LSAMP: variants seen among roughly 807,000 people sequenced by gnomAD.
LSAMP encodes the protein limbic system associated membrane protein.
A neutral mutation model predicts 38.6 loss-of-function variants in LSAMP; 7 were observed. That is an observed-to-expected ratio of 0.18 (90% CI 0.10 to 0.34). The LOEUF is 0.34. Ranked by LOEUF, LSAMP falls within the 10% of genes least tolerant of loss-of-function variation. The pLI, the probability that LSAMP is intolerant of heterozygous loss-of-function variation, is 1.00. For missense variants in LSAMP, 313 were observed against 420.0 expected (o/e 0.75, Z 2.23); for synonymous variants, 154 against 166.8 (o/e 0.92, Z 0.59).
At chr3:116,041,796 C>CA (rs148805855) in intron 2 of LSAMP, among the ~76,000 whole-genome samples, 3,615 of 56,898 alleles carry the variant, frequency 0.064, 142 homozygotes, top group African/African-American at 0.12. Context: ...TGAAAGCATG[C>CA]AAAAAAAAAC....
At chr3:116,241,361 G>A (rs1270760576) in intron 1 of LSAMP, among the ~76,000 whole-genome samples, 1 of 152,054 alleles carries the variant, frequency 6.6e-6, no homozygotes, top group African/African-American at 2.4e-5. Context: ...GAGGTCAGGA[G>A]TTTGAGACCA....
At chr3:116,192,215 G>A (rs1008001575) in intron 1 of LSAMP, among the ~76,000 whole-genome samples, 1 of 152,186 alleles carries the variant, frequency 6.6e-6, no homozygotes. Flanking sequence ...GCTTAGACAA[G>A]GGCTTTCTGA....
chr3:116,341,059 C>T (rs2047988163), intron 1 of LSAMP, among the ~76,000 whole-genome samples: 2 of 151,958 alleles, frequency 1.3e-5, no homozygotes, highest in South Asian at 4.1e-4. Context: ...AGATGGCTTC[C>T]ATATAGCTAA....
At chr3:116,353,443 A>G (rs544375042) in intron 1 of LSAMP, among the ~76,000 whole-genome samples, 4 of 152,116 alleles carry the variant, frequency 2.6e-5, no homozygotes, top group Admixed American at 6.6e-5. Context: ...ATTACTTCGT[A>G]TGCAAAAGTT....
intron 1 of LSAMP, among the ~76,000 whole-genome samples, chr3:116,407,807 G>T (rs1280513982): frequency 2.0e-5 from 3 of 151,934 alleles, no homozygotes; most frequent in African/African-American, 4.8e-5. Flanking sequence ...GGCCACTGAC[G>T]GTATTTATTC....
chr3:116,035,950 A>G lies in LSAMP; in HGVS notation c.389-16310T>C, dbSNP rs11920367. On this transcript the variant is annotated intron_variant, in intron 2 of 6. Transcript: ENST00000490035. Reference sequence around the variant, plus strand: ...GGGAAATGTGAGGTAAGCAATATGGAGGCCTAGCCCTTAAATAAAAGCCCC... The same window carrying G: ...GGGAAATGTGAGGTAAGCAATATGGGGGCCTAGCCCTTAAATAAAAGCCCC... 7.9e-3 allele frequency among the ~76,000 whole-genome samples: 1,199 copies of G among 152,278 alleles called. 15 individuals are homozygous for G. The highest frequency in any genetic ancestry group is 0.027 in the African/African-American group (1,142 of 41,558).
intron 3 of LSAMP, among the ~76,000 whole-genome samples, chr3:115,960,427 G>T (rs1432504134): frequency 6.6e-6 from 1 of 152,170 alleles, no homozygotes; most frequent in Admixed American, 6.5e-5. Context: ...TCAGAGAACA[G>T]GCTTTTCTCT....
chr3:116,053,801 C>T (rs760740461), intron 2 of LSAMP, among the ~76,000 whole-genome samples: 5 of 152,138 alleles, frequency 3.3e-5, no homozygotes, highest in Non-Finnish European at 7.4e-5. Flanking sequence ...GAGTAATAGT[C>T]AGTGCTGTGT....
At chr3:116,341,151 G>A (rs924276856) in intron 1 of LSAMP, among the ~76,000 whole-genome samples, 1 of 151,890 alleles carries the variant, frequency 6.6e-6, no homozygotes, top group African/African-American at 2.4e-5. Flanking sequence ...GAGTCTCTAT[G>A]AAAATATAGA....
chr3:116,144,627 T>G (rs1230948872), intron 1 of LSAMP, among the ~76,000 whole-genome samples: 1 of 151,740 alleles, frequency 6.6e-6, no homozygotes, highest in Non-Finnish European at 1.5e-5. Context: ...TTTTCCACTA[T>G]GTTTATATTT....
intron 3 of LSAMP, among the ~76,000 whole-genome samples, chr3:115,998,729 G>A (rs1487630682): frequency 2.0e-5 from 3 of 152,066 alleles, no homozygotes; most frequent in Non-Finnish European, 4.4e-5. Context: ...AAACATAGAT[G>A]CTTTGAGACG....
At chr3:116,261,798 A>G (rs1387623600) in intron 1 of LSAMP, among the ~76,000 whole-genome samples, 2 of 151,326 alleles carry the variant, frequency 1.3e-5, no homozygotes, top group African/African-American at 4.8e-5. Context: ...TCTCTATGTG[A>G]CAGGTGTGTA....
chr3:116,144,332 G>A (rs1000576486), intron 1 of LSAMP, among the ~76,000 whole-genome samples: 1 of 151,838 alleles, frequency 6.6e-6, no homozygotes, highest in African/African-American at 2.4e-5. Context: ...TGACCAGCCT[G>A]GGTAATATAG....
intron 1 of LSAMP, among the ~76,000 whole-genome samples, chr3:116,098,058 A>G (rs926437120): frequency 1.3e-5 from 2 of 152,134 alleles, no homozygotes; most frequent in Admixed American, 6.5e-5. Context: ...TTTGAAATAT[A>G]TTTTGTGGAA....
At chr3:116,053,311 T>A (rs556056382) in intron 2 of LSAMP, among the ~76,000 whole-genome samples, 9 of 152,340 alleles carry the variant, frequency 5.9e-5, no homozygotes, top group African/African-American at 7.2e-5. Flanking sequence ...CTCAAGGTAC[T>A]TCAGGGAAAA....
chr3:116,125,648 A>G (rs1708991187), intron 1 of LSAMP, among the ~76,000 whole-genome samples: 1 of 152,184 alleles, frequency 6.6e-6, no homozygotes, highest in Non-Finnish European at 1.5e-5. Flanking sequence ...AAACAATGAT[A>G]TGGAAGAACA....
At chr3:116,385,876 G>T (rs1381327214) in intron 1 of LSAMP, among the ~76,000 whole-genome samples, 1 of 151,768 alleles carries the variant, frequency 6.6e-6, no homozygotes, top group East Asian at 1.9e-4. Context: ...TTTTTGAGTT[G>T]TGTATAAAAG....
At chr3:116,332,052 G>T (rs1028684287) in intron 1 of LSAMP, among the ~76,000 whole-genome samples, 1 of 151,934 alleles carries the variant, frequency 6.6e-6, no homozygotes, top group Non-Finnish European at 1.5e-5. Flanking sequence ...AGTTGTCCAG[G>T]CTGGCTGGAA....
intron 1 of LSAMP, among the ~76,000 whole-genome samples, chr3:116,321,986 C>G (rs2047712525): frequency 6.6e-6 from 1 of 152,098 alleles, no homozygotes; most frequent in African/African-American, 2.4e-5. Flanking sequence ...TTGAGGAAGA[C>G]ACATGATGAA....
Sources: allele counts gnomAD v4.1 joint callset (sites outside exome capture counted in the v4.1 genomes callset), GRCh38; gene constraint gnomAD v4.1.1; transcripts MANE v1.5; gene names NCBI Gene and HGNC (gene_info 2026-07-23, HGNC 2026-07-21).